Variants in ADAMTSL1 observed in about 807,000 individuals in gnomAD.
The protein encoded by ADAMTSL1 is ADAMTS-like protein 1.
A neutral mutation model predicts 201.8 loss-of-function variants in ADAMTSL1; 126 were observed. That is an observed-to-expected ratio of 0.62 (90% CI 0.54 to 0.72). The LOEUF (loss-of-function observed/expected upper bound fraction) is 0.72, where lower values mean the gene tolerates loss of function less well. ADAMTSL1 is among the 30% of genes least tolerant of loss of function. The pLI is 0.00. For missense variants in ADAMTSL1, 2,679 were observed against 2,277.8 expected (o/e 1.18, Z -3.59); for synonymous variants, 1,121 against 903.4 (o/e 1.24, Z -4.32).
chr9:18,652,775 T>A (rs1031094936), intron 7 of ADAMTSL1, among the ~76,000 whole-genome samples: 2 of 152,200 alleles, frequency 1.3e-5, no homozygotes, highest in African/African-American at 4.8e-5. Flanking sequence ...TATAACCCCA[T>A]TGTAAGTTGA....
chr9:18,018,222 C>A (rs1820337002), intron 1 of ADAMTSL1, among the ~76,000 whole-genome samples: 1 of 152,044 alleles, frequency 6.6e-6, no homozygotes, highest in Non-Finnish European at 1.5e-5. Flanking sequence ...GGTGATAGTA[C>A]TTATATTAAT....
intron 2 of ADAMTSL1, among the ~76,000 whole-genome samples, chr9:18,445,734 A>G (rs892059522): frequency 1.3e-5 from 2 of 152,166 alleles, no homozygotes; most frequent in African/African-American, 4.8e-5. Flanking sequence ...GAATTTTTAT[A>G]AAACATTTTT....
chr9:18,350,410 G>A (rs777900997), intron 2 of ADAMTSL1, among the ~76,000 whole-genome samples: 2 of 152,162 alleles, frequency 1.3e-5, no homozygotes, highest in East Asian at 1.9e-4. Context: ...ATGCCATGTC[G>A]AAATGTGAAG....
chr9:18,872,254 G>A (rs144113509), intron 23 of ADAMTSL1, among the ~76,000 whole-genome samples: 4 of 152,304 alleles, frequency 2.6e-5, no homozygotes, highest in African/African-American at 7.2e-5. Flanking sequence ...CAATCATAGA[G>A]GTAGCAACTG....
intron 1 of ADAMTSL1, among the ~76,000 whole-genome samples, chr9:17,992,805 G>C (rs1485555934): frequency 6.6e-6 from 1 of 152,094 alleles, no homozygotes; most frequent in African/African-American, 2.4e-5. Flanking sequence ...AAAACTGAGA[G>C]GTCATACAAC....
intron 23 of ADAMTSL1, among the ~76,000 whole-genome samples, chr9:18,837,495 CA>C (rs1825387217): frequency 6.6e-6 from 1 of 152,194 alleles, no homozygotes. Context: ...CCCTATAAAT[CA>C]TAAGGTCTGG....
chr9:18,364,965 C>A (rs1267977742), intron 2 of ADAMTSL1, among the ~76,000 whole-genome samples: 2 of 152,128 alleles, frequency 1.3e-5, no homozygotes, highest in African/African-American at 4.8e-5. Flanking sequence ...TCCCACCAGG[C>A]CCCACCTCCA....
chr9:18,396,088 T>C (rs115629845), intron 2 of ADAMTSL1, among the ~76,000 whole-genome samples: 2,084 of 152,310 alleles, frequency 0.014, 45 homozygotes, highest in African/African-American at 0.049. Flanking sequence ...GGTTATCTAC[T>C]GTAACCCACA....
At chr9:18,786,212 A>G (rs1821699375) in intron 19 of ADAMTSL1, among the ~76,000 whole-genome samples, 1 of 152,226 alleles carries the variant, frequency 6.6e-6, no homozygotes, top group Non-Finnish European at 1.5e-5. Flanking sequence ...GAAATGGCTA[A>G]GTCTAAGGAA....
At chr9:18,354,325 T>C (rs1836114923) in intron 2 of ADAMTSL1, among the ~76,000 whole-genome samples, 1 of 152,132 alleles carries the variant, frequency 6.6e-6, no homozygotes, top group Admixed American at 6.6e-5. Context: ...TCTTTATCTC[T>C]ATCCCTGGTT....
At chr9:18,321,840 A>T (rs1233152494) in intron 2 of ADAMTSL1, among the ~76,000 whole-genome samples, 1 of 152,178 alleles carries the variant, frequency 6.6e-6, no homozygotes, top group Admixed American at 6.5e-5. Context: ...TTTTAAGTGC[A>T]TTCTTTTCAA....
intron 1 of ADAMTSL1, among the ~76,000 whole-genome samples, chr9:17,927,981 T>C (rs1019261970): frequency 1.3e-5 from 2 of 150,986 alleles, no homozygotes; most frequent in Admixed American, 6.6e-5. Flanking sequence ...CTTTTTCTTT[T>C]CTTTTCTTTC....
chr9:17,963,227 C>T (rs551601623), intron 1 of ADAMTSL1, among the ~76,000 whole-genome samples: 1 of 152,110 alleles, frequency 6.6e-6, no homozygotes, highest in African/African-American at 2.4e-5. Context: ...AATTTGAAAT[C>T]TTAGCTATCC....
At chr9:18,230,713 A>T (rs916088198) in intron 2 of ADAMTSL1, among the ~76,000 whole-genome samples, 1 of 152,208 alleles carries the variant, frequency 6.6e-6, no homozygotes, top group Non-Finnish European at 1.5e-5. Flanking sequence ...TCAAACATAC[A>T]TGCATTACTT....
At chr9:18,513,627 T>C (rs758777944) in intron 2 of ADAMTSL1, among the ~76,000 whole-genome samples, 1 of 152,222 alleles carries the variant, frequency 6.6e-6, no homozygotes, top group Non-Finnish European at 1.5e-5. Flanking sequence ...TAGTTTCAAG[T>C]CTTATATTTA....
In ADAMTSL1 at chr9:18,908,542, A is replaced by C. The variant is rs571368344; in HGVS notation, c.5283A>C (p.Lys1761Asn). The change falls in exon 29 of 29, where the codon AAA becomes AAC. Residue 1761 changes from lysine (K) to asparagine (N), a missense_variant. Physicochemically the swap from Lys to Asn is moderately conservative, Grantham distance 94. Transcript: ENST00000380548. ...FKSRCCGTCG[K>N]A ...CTCGCTGCTGTGGAACTTGTGGCAA[A>C]GCGTGAAGATAGGGTGTGGGGAAAA... is the stretch of plus-strand genomic sequence containing the variant. The C allele has an allele frequency of 6.4e-7, 1 of 1,559,940 alleles. No homozygotes were observed. The highest frequency in any genetic ancestry group is 2.4e-5 in the East Asian group (1 of 41,502).
chr9:18,162,881 C>A (rs1827456942), intron 1 of ADAMTSL1, among the ~76,000 whole-genome samples: 1 of 151,832 alleles, frequency 6.6e-6, no homozygotes, highest in Non-Finnish European at 1.5e-5. Context: ...GCAGAATGTG[C>A]TTTTGATAAT....
At chr9:18,205,627 A>G (rs2132292122) in intron 2 of ADAMTSL1, among the ~76,000 whole-genome samples, 1 of 152,216 alleles carries the variant, frequency 6.6e-6, no homozygotes, top group South Asian at 2.1e-4. Flanking sequence ...TGGTTCCAAA[A>G]ACCTATGCTC....
At chr9:17,997,044 G>T (rs1259235281) in intron 1 of ADAMTSL1, among the ~76,000 whole-genome samples, 1 of 152,124 alleles carries the variant, frequency 6.6e-6, no homozygotes, top group East Asian at 1.9e-4. Flanking sequence ...CCCAAAAATT[G>T]ACCCTTTGAT....
Sources: gnomAD v4.1 joint callset for allele counts (sites outside exome capture counted in the v4.1 genomes callset) on GRCh38, gnomAD v4.1.1 for gene constraint, MANE v1.5 for transcripts, NCBI Gene and HGNC (gene_info 2026-07-23, HGNC 2026-07-21) for gene names.